NDP: variants seen among roughly 807,000 people sequenced by gnomAD.
NDP encodes the protein norrin cystine knot growth factor NDP.
A neutral mutation model predicts 8.4 loss-of-function variants in NDP; 2 were observed. The ratio of observed to expected loss-of-function variants is 0.24; its 90% CI spans 0.10 to 0.75. The LOEUF (loss-of-function observed/expected upper bound fraction) is 0.75, where lower values mean the gene tolerates loss of function less well. Ranked by LOEUF, NDP falls within the 30% of genes least tolerant of loss-of-function variation. The probability of loss-of-function intolerance (pLI) is 0.73; values close to 1 mark genes in which losing one functional copy is unlikely to be tolerated. For synonymous variants in NDP, 55 were observed against 45.6 expected (o/e 1.21, Z -0.83); for missense variants, 81 against 110.1 (o/e 0.74, Z 1.18).
At chrX:43,958,007 T>C (rs1370931899) in intron 2 of NDP, among the ~76,000 whole-genome samples, 1 of 110,407 alleles carries the variant, frequency 9.1e-6, no homozygotes, top group Non-Finnish European at 1.9e-5. Context: ...TTTGAAATCA[T>C]TTGAACAGAA....
In NDP at chrX:43,949,707, T is replaced by G; in HGVS notation, c.*92A>C. On this transcript the variant is annotated 3_prime_UTR_variant, in exon 3 of 3. Transcript: ENST00000642620. The stretch of plus-strand genomic sequence containing the variant: ...TCCCGGGAGAATTGTTGCATCCTTT[T>G]TTGCCTTAACTCTTTTCTTGCCAGT... 1 of 848,456 alleles carries G rather than the reference T, an allele frequency of 1.2e-6. No homozygotes were observed. Among genetic ancestry groups the G allele is most frequent in the Admixed American group, 2.6e-5 (1 of 38,352 alleles). 69.9% of individuals were successfully genotyped at this position (848,456 alleles called of 1,213,427 possible).
chrX:43,972,392 C>A, intron 1 of NDP, among the ~76,000 whole-genome samples: 1 of 110,666 alleles, frequency 9.0e-6, no homozygotes, highest in Non-Finnish European at 1.9e-5. Context: ...TATGCCCAGG[C>A]CTCCTACAGC....
At chrX:43,967,074 C>T (rs5952988) in intron 1 of NDP, among the ~76,000 whole-genome samples, 24,629 of 110,346 alleles carry the variant, frequency 0.22, 2,312 homozygotes, top group Non-Finnish European at 0.28. Flanking sequence ...ATACGTGTCC[C>T]TATATTGCTG....
At chrX:43,970,199 G>A (rs2035883969) in intron 1 of NDP, among the ~76,000 whole-genome samples, 1 of 111,879 alleles carries the variant, frequency 8.9e-6, no homozygotes, top group Admixed American at 9.4e-5. Flanking sequence ...CAGCAACCCA[G>A]GCCCTGGAGC....
intron 1 of NDP, among the ~76,000 whole-genome samples, chrX:43,968,312 T>C (rs1028369690): frequency 8.0e-5 from 9 of 111,963 alleles, no homozygotes; most frequent in Non-Finnish European, 1.3e-4. Context: ...GACAAGCAAA[T>C]GACTGCCAGA....
At chrX:43,965,079 G>C (rs1203765374) in intron 1 of NDP, among the ~76,000 whole-genome samples, 2 of 112,082 alleles carry the variant, frequency 1.8e-5, no homozygotes, top group African/African-American at 6.5e-5. Flanking sequence ...CTGAGTGCTT[G>C]CCATGTACTA....
chrX:43,964,873 G>A (rs936480084), intron 1 of NDP, among the ~76,000 whole-genome samples: 1 of 111,680 alleles, frequency 9.0e-6, no homozygotes, highest in Non-Finnish European at 1.9e-5. Flanking sequence ...TCAGAGTACA[G>A]CCCCTGCCTT....
At chrX:43,952,510 A>G (rs1333650659) in intron 2 of NDP, among the ~76,000 whole-genome samples, 1 of 112,328 alleles carries the variant, frequency 8.9e-6, no homozygotes, top group Admixed American at 9.4e-5. Flanking sequence ...TATCCAAGTG[A>G]TGTATACACA....
chrX:43,960,364 C>T (rs2035819865), intron 1 of NDP, among the ~76,000 whole-genome samples: 1 of 111,873 alleles, frequency 8.9e-6, no homozygotes, highest in Non-Finnish European at 1.9e-5. Flanking sequence ...AATGCCACCA[C>T]TTGATAACTA....
intron 1 of NDP, among the ~76,000 whole-genome samples, chrX:43,959,212 GC>G (rs1305300601): frequency 9.0e-6 from 1 of 111,533 alleles, no homozygotes; most frequent in African/African-American, 3.3e-5. Flanking sequence ...GTTGGTCGGG[GC>G]GGGAGGGTCT....
intron 1 of NDP, among the ~76,000 whole-genome samples, chrX:43,972,760 G>C (rs1308417809): frequency 2.7e-5 from 3 of 112,874 alleles, no homozygotes; most frequent in Non-Finnish European, 5.6e-5. Flanking sequence ...GACACAGAAA[G>C]CTAGAAATAA....
intron 2 of NDP, among the ~76,000 whole-genome samples, chrX:43,950,886 C>G (rs1276802210): frequency 9.0e-6 from 1 of 111,471 alleles, no homozygotes; most frequent in African/African-American, 3.3e-5. Context: ...TAAGCACACA[C>G]ACAATTTGCA....
At chrX:43,969,375 A>T (rs2239445) in intron 1 of NDP, 1 of 110,503 alleles carries the variant, frequency 9.0e-6, no homozygotes, top group Non-Finnish European at 1.9e-5. Flanking sequence ...GGGGGCAGGG[A>T]AGGGGCCAAG....
chrX:43,954,198 C>G (rs192252177), intron 2 of NDP, among the ~76,000 whole-genome samples: 75 of 111,985 alleles, frequency 6.7e-4, no homozygotes, highest in African/African-American at 2.3e-3. Flanking sequence ...TTCTCCCATT[C>G]TTTCCCCACG....
intron 1 of NDP, 75 bp from the exon 2 acceptor site, chrX:43,958,927 G>C (rs2035811155): frequency 3.0e-6 from 1 of 332,364 alleles, no homozygotes; most frequent in South Asian, 3.9e-5. Flanking sequence ...GAGGTATTAA[G>C]TAGAATTTTT....
chrX:43,969,832 G>A (rs981073173), intron 1 of NDP, among the ~76,000 whole-genome samples: 2 of 111,828 alleles, frequency 1.8e-5, no homozygotes, highest in Non-Finnish European at 3.8e-5. Context: ...AGGGAAAAGG[G>A]GGCGGGCTGG....
At chrX:43,964,704 A>C (rs993230514) in intron 1 of NDP, among the ~76,000 whole-genome samples, 4 of 112,096 alleles carry the variant, frequency 3.6e-5, no homozygotes, top group Non-Finnish European at 7.5e-5. Context: ...CTGATCCTCA[A>C]GCCCTGAGTC....
chrX:43,958,825 A>G lies in NDP; in HGVS notation c.-180T>C. On this transcript the variant is annotated 5_prime_UTR_variant, in exon 2 of 3. Coordinates refer to ENST00000642620, the MANE Select transcript of NDP (RefSeq NM_000266.4). ...TTTTGTCTTACTCTTTGCACTTGCA[A>G]TCCATCATCACAGTATCTGCTGCAC... is the stretch of plus-strand genomic sequence containing the variant. 1 of 471,491 alleles carries G rather than the reference A, an allele frequency of 2.1e-6. No homozygotes were observed. The highest frequency in any genetic ancestry group is 3.8e-6 in the Non-Finnish European group (1 of 265,425). The allele number at this position is 471,491 out of a possible 1,213,427, so 38.9% of individuals were successfully genotyped here.
At chrX:43,962,593 G>A (rs889329984) in intron 1 of NDP, among the ~76,000 whole-genome samples, 3 of 111,696 alleles carry the variant, frequency 2.7e-5, no homozygotes, top group Non-Finnish European at 5.6e-5. Context: ...TTTTTAAGAC[G>A]TGTCATAAAA....
Sources: gnomAD v4.1 joint callset for allele counts (sites outside exome capture counted in the v4.1 genomes callset) on GRCh38, gnomAD v4.1.1 for gene constraint, MANE v1.5 for transcripts, NCBI Gene and HGNC (gene_info 2026-07-23, HGNC 2026-07-21) for gene names.